The following NRXN3 variants were observed in gnomAD, a reference collection of about 807,000 sequenced individuals.
NRXN3 encodes neurexin III.
Under a neutral mutation model 137.6 loss-of-function variants are expected in NRXN3, and 32 were observed. That is an observed-to-expected ratio of 0.23 (90% CI 0.18 to 0.31). The LOEUF (loss-of-function observed/expected upper bound fraction) is 0.31, where lower values mean the gene tolerates loss of function less well. Ranked by LOEUF, NRXN3 falls within the 10% of genes least tolerant of loss-of-function variation. The pLI is 1.00. For missense variants in NRXN3, 1,574 were observed against 2,062.5 expected (o/e 0.76, Z 4.59); for synonymous variants, 798 against 784.5 (o/e 1.02, Z -0.29).
chr14:78,665,258 A>C (rs1319050407), intron 6 of NRXN3, among the ~76,000 whole-genome samples: 2 of 152,208 alleles, frequency 1.3e-5, no homozygotes, highest in Non-Finnish European at 2.9e-5. Context: ...TTATAAAGGA[A>C]ACAGGTTTCA....
chr14:79,153,489 C>T (rs1433036065), intron 15 of NRXN3, among the ~76,000 whole-genome samples: 1 of 151,926 alleles, frequency 6.6e-6, no homozygotes, highest in South Asian at 2.1e-4. Flanking sequence ...ACCCATTGAG[C>T]TACTGAATAA....
At chr14:78,288,296 A>G (rs2075410586) in intron 3 of NRXN3, among the ~76,000 whole-genome samples, 1 of 152,150 alleles carries the variant, frequency 6.6e-6, no homozygotes, top group Non-Finnish European at 1.5e-5. Context: ...CCCTTTTTCT[A>G]GATTAGATAT....
At chr14:79,538,257 A>T (rs1160939109) in intron 16 of NRXN3, among the ~76,000 whole-genome samples, 3 of 152,064 alleles carry the variant, frequency 2.0e-5, no homozygotes, top group African/African-American at 7.2e-5. Flanking sequence ...GTTCACTCTG[A>T]TGGTAGTTTC....
chr14:79,821,949 T>G (rs2099273996), intron 20 of NRXN3, among the ~76,000 whole-genome samples: 1 of 152,160 alleles, frequency 6.6e-6, no homozygotes, highest in Admixed American at 6.5e-5. Context: ...ATTTCTATTT[T>G]AAACTGAGAT....
intron 4 of NRXN3, among the ~76,000 whole-genome samples, chr14:78,300,193 C>T (rs2076740353): frequency 6.6e-6 from 1 of 152,192 alleles, no homozygotes; most frequent in Middle Eastern, 3.2e-3. Flanking sequence ...GTTGTGTGTA[C>T]AACACCTATA....
At chr14:79,045,316 G>A (rs1025962812) in intron 15 of NRXN3, among the ~76,000 whole-genome samples, 11 of 152,062 alleles carry the variant, frequency 7.2e-5, no homozygotes, top group Non-Finnish European at 1.6e-4. Context: ...ATTTATGACC[G>A]GGAGCAAGCC....
At chr14:79,054,571 C>G (rs1469051543) in intron 15 of NRXN3, among the ~76,000 whole-genome samples, 1 of 152,146 alleles carries the variant, frequency 6.6e-6, no homozygotes, top group Non-Finnish European at 1.5e-5. Flanking sequence ...AGCAGGTTTC[C>G]CAGTCAAAAT....
chr14:78,859,021 T>G (rs540368762), intron 10 of NRXN3, among the ~76,000 whole-genome samples: 13 of 152,278 alleles, frequency 8.5e-5, no homozygotes, highest in African/African-American at 2.6e-4. Flanking sequence ...TATCCCTATG[T>G]GTCAAGGGCA....
At chr14:78,251,567 T>G (rs547432783) in intron 2 of NRXN3, among the ~76,000 whole-genome samples, 4 of 152,330 alleles carry the variant, frequency 2.6e-5, no homozygotes, top group Non-Finnish European at 5.9e-5. Flanking sequence ...TTCATTTTTT[T>G]CTTCTAACCA....
At chr14:79,649,019 T>C (rs184290426) in intron 16 of NRXN3, among the ~76,000 whole-genome samples, 13 of 152,210 alleles carry the variant, frequency 8.5e-5, no homozygotes, top group Non-Finnish European at 1.8e-4. Context: ...TTGGGAAGCA[T>C]TTTTCTGTAT....
At chr14:78,615,357 T>A (rs1457415657) in intron 4 of NRXN3, among the ~76,000 whole-genome samples, 1 of 151,580 alleles carries the variant, frequency 6.6e-6, no homozygotes, top group Non-Finnish European at 1.5e-5. Context: ...TCCCAGCACT[T>A]TGGGAGGCCG....
At chr14:79,159,907 C>T (rs952264647) in intron 15 of NRXN3, among the ~76,000 whole-genome samples, 1 of 151,874 alleles carries the variant, frequency 6.6e-6, no homozygotes, top group Non-Finnish European at 1.5e-5. Flanking sequence ...GCGTTTTCCA[C>T]GAACTTTTGG....
chr14:79,223,286 A>G (rs1029417490), intron 15 of NRXN3, among the ~76,000 whole-genome samples: 4 of 152,136 alleles, frequency 2.6e-5, no homozygotes, highest in Non-Finnish European at 5.9e-5. Flanking sequence ...CCTTGGAGCC[A>G]TGGGCATTGT....
At chr14:78,488,332 A>G (rs1363582080) in intron 4 of NRXN3, among the ~76,000 whole-genome samples, 1 of 152,124 alleles carries the variant, frequency 6.6e-6, no homozygotes, top group Non-Finnish European at 1.5e-5. Flanking sequence ...ACACAAATCA[A>G]CTCATAACAC....
chr14:79,671,893 A>C (rs545584401), intron 17 of NRXN3, among the ~76,000 whole-genome samples: 4 of 152,174 alleles, frequency 2.6e-5, no homozygotes, highest in African/African-American at 9.6e-5. Flanking sequence ...GAAATACATA[A>C]AACATTTGAG....
At chr14:79,415,646 T>C (rs2095485971) in intron 15 of NRXN3, among the ~76,000 whole-genome samples, 1 of 152,156 alleles carries the variant, frequency 6.6e-6, no homozygotes, top group Admixed American at 6.6e-5. Flanking sequence ...CTAGTGTGTG[T>C]ATGCCTCTAT....
chr14:79,466,998 T>TA (rs1185978738), intron 15 of NRXN3, among the ~76,000 whole-genome samples: 11 of 152,220 alleles, frequency 7.2e-5, no homozygotes, highest in African/African-American at 2.7e-4. Flanking sequence ...GAACGACTCT[T>TA]ACCAACATCT....
intron 11 of NRXN3, among the ~76,000 whole-genome samples, chr14:78,965,145 A>G (rs1161883170): frequency 6.6e-6 from 1 of 152,152 alleles, no homozygotes; most frequent in East Asian, 1.9e-4. Flanking sequence ...CTTGCAAAGA[A>G]TCCTCTTTCC....
intron 15 of NRXN3, among the ~76,000 whole-genome samples, chr14:79,021,931 G>A (rs1020261954): frequency 6.6e-6 from 1 of 152,158 alleles, no homozygotes; most frequent in African/African-American, 2.4e-5. Context: ...TAAAACTCAG[G>A]GGCAAGACAG....
Sources: gnomAD v4.1 joint callset for allele counts (sites outside exome capture counted in the v4.1 genomes callset) on GRCh38, gnomAD v4.1.1 for gene constraint, MANE v1.5 for transcripts, NCBI Gene and HGNC (gene_info 2026-07-23, HGNC 2026-07-21) for gene names.